The following SLC41A3 variants were observed in gnomAD, a reference collection of about 807,000 sequenced individuals.
SLC41A3 encodes the protein SLC41A1-like 2.
SLC41A3 carries 44 observed loss-of-function variants against 45.4 expected under a neutral mutation model. The ratio of observed to expected loss-of-function variants is 0.97; its 90% CI spans 0.76 to 1.25. SLC41A3 has a LOEUF of 1.25. Ranked by LOEUF, SLC41A3 falls within the 50% of genes most tolerant of loss-of-function variation. The pLI, the probability that SLC41A3 is intolerant of heterozygous loss-of-function variation, is 0.00. For missense variants in SLC41A3, 550 were observed against 600.6 expected (o/e 0.92, Z 0.88); for synonymous variants, 256 against 252.4 (o/e 1.01, Z -0.13).
chr3:126,057,070 C>T (rs887216383), intron 2 of SLC41A3: 40 of 995,096 alleles, frequency 4.0e-5, no homozygotes, highest in Non-Finnish European at 4.7e-5. Flanking sequence ...CAGAGGAGGG[C>T]CTGGGGAGAG....
At chr3:126,077,284 G>A (rs1008325715) in intron 1 of SLC41A3, among the ~76,000 whole-genome samples, 2 of 152,104 alleles carry the variant, frequency 1.3e-5, no homozygotes, top group East Asian at 1.9e-4. Flanking sequence ...GGAGGCTGAC[G>A]CAGGAGAATC....
rs558860771 is a variant in SLC41A3 at position 126,064,470 on chromosome 3, G to A, written c.273+3477C>T. ...AAGGTGTGCAGCATCCTCCTGCCTGGGTGACTGGTATGAGGACTAACAAAT... is the reference window on the plus strand; with the variant it reads ...AAGGTGTGCAGCATCCTCCTGCCTGAGTGACTGGTATGAGGACTAACAAAT... On this transcript the variant is annotated intron_variant, in intron 2 of 10. Coordinates refer to ENST00000360370, the MANE Select transcript of SLC41A3 (RefSeq NM_017836.4). 5.3e-5 allele frequency among the ~76,000 whole-genome samples: 8 copies of A among 152,148 alleles called. No homozygotes were observed. The South Asian group carries it at 1.7e-3, about 32-fold the overall frequency.
At chr3:126,081,009 G>A (rs988978446) in intron 1 of SLC41A3, among the ~76,000 whole-genome samples, 1 of 151,838 alleles carries the variant, frequency 6.6e-6, no homozygotes, top group African/African-American at 2.4e-5. Flanking sequence ...TCCCACTAAT[G>A]GGTACATATC....
intron 1 of SLC41A3, among the ~76,000 whole-genome samples, chr3:126,072,937 A>G (rs924391066): frequency 6.6e-6 from 1 of 152,250 alleles, no homozygotes; most frequent in African/African-American, 2.4e-5. Flanking sequence ...CTATGCAGCC[A>G]TGAAAAAACA....
chr3:126,067,093 GC>G (rs1170798520), intron 2 of SLC41A3, among the ~76,000 whole-genome samples: 3 of 74,508 alleles, frequency 4.0e-5, no homozygotes, highest in Admixed American at 2.6e-4. Context: ...GGGTTGGACC[GC>G]CCCCCCGCCC....
Position 126,078,106 on chromosome 3 carries a change from C to T in SLC41A3, c.-28+5987G>A, listed in dbSNP as rs774092944. On this transcript the variant is annotated intron_variant, in intron 1 of 10. Coordinates refer to ENST00000360370, the MANE Select transcript of SLC41A3 (RefSeq NM_017836.4). ...AGGGGCAGAAAATGCCTCCCTCTCA[C>T]CACACCAGGCCCCTCCAACTCTCCA... is the stretch of plus-strand genomic sequence containing the variant. 2.0e-5 allele frequency among the ~76,000 whole-genome samples: 3 copies of T among 152,266 alleles called. No individual in the cohort carries two copies. The South Asian group carries it at 6.2e-4, about 32-fold the overall frequency.
intron 2 of SLC41A3, among the ~76,000 whole-genome samples, chr3:126,061,904 C>G (rs73861663): frequency 1.3e-5 from 2 of 152,156 alleles, no homozygotes; most frequent in African/African-American, 4.8e-5. Context: ...GCCCCCATGA[C>G]GAGAACCACT....
chr3:126,090,100 C>G (rs1019017370), intron 1 of SLC41A3, among the ~76,000 whole-genome samples: 4 of 127,116 alleles, frequency 3.1e-5, no homozygotes, highest in African/African-American at 5.9e-5. Context: ...ACCTTTCTCT[C>G]TAAGTTCTCC....
chr3:126,079,279 GACACACAC>G (rs63354060), intron 1 of SLC41A3, among the ~76,000 whole-genome samples: 3 of 146,018 alleles, frequency 2.1e-5, no homozygotes, highest in East Asian at 2.0e-4. Flanking sequence ...AAGGGTAAGG[GACACACAC>G]ACACACACAC....
At chr3:126,068,305 C>T in intron 1 of SLC41A3, 59 bp from the exon 2 acceptor site, 2 of 1,425,884 alleles carry the variant, frequency 1.4e-6, no homozygotes, top group Non-Finnish European at 1.8e-6. Flanking sequence ...GCGCTAACAC[C>T]CAAGGAGCCT....
Position 126,006,645 on chromosome 3 carries a change from A to T in SLC41A3, c.*371T>A. 1 of 1,521,188 alleles carries T rather than the reference A, an allele frequency of 6.6e-7. No individual in the cohort carries two copies. Among genetic ancestry groups the T allele is most frequent in the Non-Finnish European group, 8.8e-7 (1 of 1,140,074 alleles). 94.2% of individuals were successfully genotyped at this position (1,521,188 alleles called of 1,614,324 possible). A position where few individuals can be genotyped will look rare whatever the true frequency, so the allele number is the denominator to read the frequency against. On this transcript the variant is annotated 3_prime_UTR_variant, in exon 11 of 11. Transcript: ENST00000360370. ...AAAGAGCTCCTTCCTGCTCCACCCC[A>T]ATCTGGGTTGCATGGGCATGGAAAA...
chr3:126,044,627 G>A (rs1416448339), intron 3 of SLC41A3, among the ~76,000 whole-genome samples: 4 of 152,142 alleles, frequency 2.6e-5, no homozygotes, highest in Non-Finnish European at 5.9e-5. Context: ...CGGGCGCAGT[G>A]GCTCACGCCT....
rs9862210 is a variant in SLC41A3, at chr3:126,096,355, C to T, written c.-79+5074G>A. 7.0e-3 allele frequency among the ~76,000 whole-genome samples: 1,064 copies of T among 151,602 alleles called. 3 individuals are homozygous for T. The highest frequency in any genetic ancestry group is 0.011 in the Non-Finnish European group (771 of 67,932). Reference sequence around the variant, plus strand: ...CCTTTGCTTTTATCAATTTGCAAATCAAAAAAGGGGGACATGTTGGGAACA... The same window carrying T: ...CCTTTGCTTTTATCAATTTGCAAATTAAAAAAGGGGGACATGTTGGGAACA... On this transcript the variant is annotated intron_variant, in intron 1 of 9. Coordinates refer to the SLC41A3 transcript ENST00000508835.
At chr3:126,072,223 C>T (rs191369753) in intron 1 of SLC41A3, among the ~76,000 whole-genome samples, 41 of 152,126 alleles carry the variant, frequency 2.7e-4, no homozygotes, top group African/African-American at 3.6e-4. Flanking sequence ...ATAGCTATAA[C>T]TATCAATTTC....
chr3:126,088,467 A>C (rs1945434892), upstream of SLC41A3, among the ~76,000 whole-genome samples: 1 of 152,242 alleles, frequency 6.6e-6, no homozygotes, highest in Non-Finnish European at 1.5e-5. Flanking sequence ...ACTAAAAGTT[A>C]AAATAGGAGC....
rs1941387269 is a variant in SLC41A3, at chr3:126,026,751, C to A, written c.454-272G>T. Among the ~76,000 whole-genome samples, 1 of 152,240 alleles carries A rather than the reference C, an allele frequency of 6.6e-6. No homozygotes were observed. The highest frequency in any genetic ancestry group is 2.4e-5 in the African/African-American group (1 of 41,460). On this transcript the variant is annotated intron_variant, in intron 4 of 10. Coordinates refer to ENST00000360370, the MANE Select transcript of SLC41A3 (RefSeq NM_017836.4). The surrounding 1 kb of genome is among the most constrained non-coding windows in gnomAD (Gnocchi z 4.2). ...GCAGAATCTATTTCTCCATCATCTG[C>A]TCAGGCTTTGGTCAGGGGCCACCTG...
At chr3:126,096,620 T>C (rs1945608393) in intron 1 of SLC41A3, among the ~76,000 whole-genome samples, 5 of 152,284 alleles carry the variant, frequency 3.3e-5, no homozygotes, top group Admixed American at 2.6e-4. Flanking sequence ...ATGTTCCTGC[T>C]ACAGATAACT....
Position 126,026,014 on chromosome 3 carries a change from G to C in SLC41A3, c.598+321C>G, listed in dbSNP as rs567264273. Among the ~76,000 whole-genome samples, 22 of 152,354 alleles carry C rather than the reference G, an allele frequency of 1.4e-4. No homozygotes were observed. The highest frequency in any genetic ancestry group is 5.3e-4 in the African/African-American group (22 of 41,570). ...GCTGACTGCACAGATGAACAAGCCT[G>C]CTCTGTGCAGGTGTCAGGCCTCAGC... On this transcript the variant is annotated intron_variant, in intron 5 of 10. Transcript: ENST00000360370. The surrounding 1 kb of genome is among the most constrained non-coding windows in gnomAD (Gnocchi z 4.2).
chr3:126,010,814 A>G (rs1939631433), intron 9 of SLC41A3, among the ~76,000 whole-genome samples: 1 of 152,216 alleles, frequency 6.6e-6, no homozygotes, highest in African/African-American at 2.4e-5. Flanking sequence ...CCTAGATTGC[A>G]CTGTGCCCAG....
Sources: gnomAD v4.1 joint callset for allele counts (sites outside exome capture counted in the v4.1 genomes callset) on GRCh38, gnomAD v4.1.1 for gene constraint, Gnocchi (gnomAD v3.1) non-coding constraint, MANE v1.5 for transcripts, NCBI Gene and HGNC (gene_info 2026-07-23, HGNC 2026-07-21) for gene names.